The following RAI14 variants were observed in gnomAD, a reference collection of about 807,000 sequenced individuals.
RAI14 encodes the protein retinoic acid induced 14.
Under a neutral mutation model 115.4 loss-of-function variants are expected in RAI14, and 45 were observed. That is an observed-to-expected ratio of 0.39 (90% CI 0.31 to 0.50). RAI14 has a LOEUF of 0.50. Ranked by LOEUF, RAI14 falls within the 20% of genes least tolerant of loss-of-function variation. The probability of loss-of-function intolerance (pLI) is 0.85; values close to 1 mark genes in which losing one functional copy is unlikely to be tolerated. For missense variants in RAI14, 939 were observed against 1,131.2 expected (o/e 0.83, Z 2.44); for synonymous variants, 371 against 415.4 (o/e 0.89, Z 1.30).
intron 3 of RAI14, among the ~76,000 whole-genome samples, chr5:34,760,331 A>G (rs1748468416): frequency 6.6e-6 from 1 of 152,042 alleles, no homozygotes; most frequent in Non-Finnish European, 1.5e-5. Flanking sequence ...ACAGGTATGG[A>G]GTGCTTTTTA....
intron 2 of RAI14, among the ~76,000 whole-genome samples, chr5:34,735,323 G>A (rs577861922): frequency 6.6e-6 from 1 of 152,236 alleles, no homozygotes; most frequent in South Asian, 2.1e-4. Flanking sequence ...CAAAAGTTTT[G>A]TAAAGAAATT....
chr5:34,819,389 C>T (rs374317123), intron 13 of RAI14, among the ~76,000 whole-genome samples: 1 of 152,136 alleles, frequency 6.6e-6, no homozygotes, highest in Non-Finnish European at 1.5e-5. Context: ...CTGCTAAACG[C>T]GTTCTTTGCA....
rs953733564 is a variant in RAI14 at position 34,734,221 on chromosome 5, T to C, written c.37-23247T>C. Among the ~76,000 whole-genome samples the C allele has an allele frequency of 3.3e-5, 5 of 152,088 alleles. No homozygotes were observed. The East Asian group carries it at 9.7e-4, about 29-fold the overall frequency. Reference sequence around the variant, plus strand: ...TTCCGTTGATGACCCCACCAGTTGGTGGGCAGGGGGTGGGGTCAGTGAACT... The same window carrying C: ...TTCCGTTGATGACCCCACCAGTTGGCGGGCAGGGGGTGGGGTCAGTGAACT... On this transcript the variant is annotated intron_variant, in intron 2 of 17. Coordinates refer to ENST00000265109, the MANE Select transcript of RAI14 (RefSeq NM_015577.3).
intron 10 of RAI14, among the ~76,000 whole-genome samples, 193 bp downstream of exon 10, chr5:34,812,401 C>T (rs1365731837): frequency 6.6e-6 from 1 of 152,180 alleles, no homozygotes; most frequent in Non-Finnish European, 1.5e-5. Context: ...GCCGGTGGCT[C>T]ACGCCTGTAA....
intron 15 of RAI14, among the ~76,000 whole-genome samples, chr5:34,825,610 T>C (rs912383220): frequency 4.6e-5 from 7 of 151,896 alleles, no homozygotes; most frequent in Non-Finnish European, 8.8e-5. Flanking sequence ...GGGAGGAATG[T>C]GGGGAGCCGG....
At chr5:34,728,429 T>C (rs1743751564) in intron 2 of RAI14, 2 of 152,196 alleles carry the variant, frequency 1.3e-5, no homozygotes, top group African/African-American at 4.8e-5. Context: ...TCACCTTGAA[T>C]TGTAATAATC....
At chr5:34,761,032 T>A (rs185349568) in intron 3 of RAI14, among the ~76,000 whole-genome samples, 1 of 152,338 alleles carries the variant, frequency 6.6e-6, no homozygotes, top group East Asian at 1.9e-4. Context: ...GCATAATGTT[T>A]TCAAGGCTCA....
intron 2 of RAI14, among the ~76,000 whole-genome samples, chr5:34,724,263 G>T (rs1479642513): frequency 1.3e-5 from 2 of 152,092 alleles, no homozygotes; most frequent in Non-Finnish European, 2.9e-5. Flanking sequence ...TGATCCACCT[G>T]CCTCAGCCTC....
intron 4 of RAI14, among the ~76,000 whole-genome samples, chr5:34,797,332 T>C (rs1373614673): frequency 5.9e-5 from 9 of 152,144 alleles, no homozygotes; most frequent in Non-Finnish European, 8.8e-5. Context: ...GCAGGAATGC[T>C]ATTATTACTC....
At chr5:34,677,023 A>G (rs1744027612) in intron 1 of RAI14, among the ~76,000 whole-genome samples, 1 of 152,212 alleles carries the variant, frequency 6.6e-6, no homozygotes, top group South Asian at 2.1e-4. Context: ...TTCATTCATA[A>G]CGTATCTGGT....
chr5:34,738,385 C>T (rs1438486032), intron 2 of RAI14, among the ~76,000 whole-genome samples: 2 of 152,226 alleles, frequency 1.3e-5, no homozygotes, highest in Non-Finnish European at 2.9e-5. Flanking sequence ...AATTCTGTCA[C>T]CCAAGGAATA....
intron 1 of RAI14, among the ~76,000 whole-genome samples, chr5:34,674,960 G>T (rs1460763976): frequency 6.7e-6 from 1 of 148,982 alleles, no homozygotes; most frequent in African/African-American, 2.5e-5. Flanking sequence ...CCAGTGGTGT[G>T]ATCTCAGCTC....
chr5:34,666,909 G>A (rs932861793), intron 1 of RAI14, among the ~76,000 whole-genome samples: 2 of 152,178 alleles, frequency 1.3e-5, no homozygotes, highest in Non-Finnish European at 2.9e-5. Flanking sequence ...CTGCCCTCGG[G>A]GACTTAAGAG....
intron 2 of RAI14, among the ~76,000 whole-genome samples, chr5:34,693,210 A>G (rs1172612945): frequency 3.3e-5 from 5 of 152,312 alleles, no homozygotes; most frequent in Middle Eastern, 6.8e-3. Context: ...TAGGACTCCA[A>G]CGTATGAATT....
chr5:34,676,449 G>C (rs1445972407), intron 1 of RAI14, among the ~76,000 whole-genome samples: 1 of 152,204 alleles, frequency 6.6e-6, no homozygotes, highest in Non-Finnish European at 1.5e-5. Flanking sequence ...GTCCTAGAGT[G>C]ATTTTTATAT....
At chr5:34,726,104 G>A (rs1274680877) in intron 2 of RAI14, among the ~76,000 whole-genome samples, 1 of 152,026 alleles carries the variant, frequency 6.6e-6, no homozygotes, top group Non-Finnish European at 1.5e-5. Flanking sequence ...GGCCAGACAC[G>A]GTGGCTCATG....
At chr5:34,687,269 G>A (rs1007376005) in intron 2 of RAI14, among the ~76,000 whole-genome samples, 2 of 152,132 alleles carry the variant, frequency 1.3e-5, no homozygotes, top group African/African-American at 2.4e-5. Context: ...TTCTAAAGTT[G>A]CCAGAAATCC....
chr5:34,675,488 C>T (rs1743912493), intron 1 of RAI14, among the ~76,000 whole-genome samples: 1 of 152,202 alleles, frequency 6.6e-6, no homozygotes, highest in Admixed American at 6.5e-5. Context: ...CGTGGTGGCT[C>T]ATGCCTGTAA....
At chr5:34,698,195 TCCC>T in intron 2 of RAI14, among the ~76,000 whole-genome samples, 1 of 7,098 alleles carries the variant, frequency 1.4e-4, no homozygotes, top group Admixed American at 9.8e-4. Context: ...TCCCTTCCCC[TCCC>T]TCTCTCCCTT....
Sources: gnomAD v4.1 joint callset for allele counts (sites outside exome capture counted in the v4.1 genomes callset) on GRCh38, gnomAD v4.1.1 for gene constraint, MANE v1.5 for transcripts, NCBI Gene and HGNC (gene_info 2026-07-23, HGNC 2026-07-21) for gene names.